The following RAPGEF6 variants were observed in gnomAD, a reference collection of about 807,000 sequenced individuals.
The protein encoded by RAPGEF6 is Rap guanine nucleotide exchange factor 6.
RAPGEF6 carries 56 observed loss-of-function variants against 171.4 expected under a neutral mutation model. The ratio of observed to expected loss-of-function variants is 0.33; its 90% CI spans 0.26 to 0.41. RAPGEF6 has a LOEUF of 0.41. Among genes scored for constraint, RAPGEF6 ranks in the 10% least tolerant of loss-of-function variants. The probability of loss-of-function intolerance (pLI) is 1.00; values close to 1 mark genes in which losing one functional copy is unlikely to be tolerated. For synonymous variants in RAPGEF6, 692 were observed against 650.1 expected (o/e 1.06, Z -0.98); for missense variants, 1,674 against 1,921.4 (o/e 0.87, Z 2.41).
At chr5:131,447,490 CA>C (rs1276214746) in intron 21 of RAPGEF6, 1 of 152,120 alleles carries the variant, frequency 6.6e-6, no homozygotes, top group Non-Finnish European at 1.5e-5. Context: ...CTCTTTTTGG[CA>C]AACATCCTAC....
chr5:131,495,313 C>CGATA (rs1554075562), intron 13 of RAPGEF6, among the ~76,000 whole-genome samples: 1 of 147,620 alleles, frequency 6.8e-6, no homozygotes, highest in Non-Finnish European at 1.5e-5. Context: ...CAAATAAATA[C>CGATA]AATAAATAAA....
chr5:131,517,628 A>G (rs1301917073), intron 7 of RAPGEF6, among the ~76,000 whole-genome samples: 1 of 148,540 alleles, frequency 6.7e-6, no homozygotes, highest in African/African-American at 2.5e-5. Context: ...ATACATTGGC[A>G]ATGTACACCT....
intron 4 of RAPGEF6, among the ~76,000 whole-genome samples, chr5:131,571,839 GTGACATTCCCGCCACCA>G (rs1485545042): frequency 1.1e-4 from 16 of 152,136 alleles, no homozygotes; most frequent in Non-Finnish European, 2.1e-4. Flanking sequence ...TCAAGCCATC[GTGACATTCCCGCCACCA>G]CCGCCCCCAG....
intron 14 of RAPGEF6, among the ~76,000 whole-genome samples, chr5:131,490,269 A>G (rs548019305): frequency 9.7e-4 from 148 of 152,328 alleles, no homozygotes; most frequent in African/African-American, 3.2e-3. Context: ...ATAAAAAGAT[A>G]TAATGAGCAA....
In RAPGEF6 at chr5:131,492,634, C is replaced by T. The variant is rs774851541; in HGVS notation, c.1679G>A (p.Gly560Glu). The T allele has an allele frequency of 1.9e-6, 3 of 1,614,150 alleles. No homozygotes were observed. Among genetic ancestry groups the T allele is most frequent in the Admixed American group, 1.7e-5 (1 of 60,024 alleles). The change falls in exon 14 of 28, where the codon GGA becomes GAA. Residue 560 changes from glycine to glutamate, a missense_variant. By Grantham distance (98) the Gly-to-Glu change is moderately conservative (BLOSUM62 -2). Around this residue, in one of 3 missense-constraint regions of RAPGEF6, gnomAD observed 1,116 missense variants for 1,321.5 expected, o/e 0.84. Transcript: ENST00000509018. ...SEKGFGIFVE[G>E]VEPGSKAADS... is the part of the protein sequence containing the mutation. ...AGCAGCTTTGCTACCAGGTTCTACT[C>T]CTTCAACAAAAATACCAAATCCCTT... is the stretch of plus-strand genomic sequence containing the variant.
At chr5:131,593,524 A>C (rs1763710429) in intron 3 of RAPGEF6, among the ~76,000 whole-genome samples, 1 of 152,232 alleles carries the variant, frequency 6.6e-6, no homozygotes, top group Non-Finnish European at 1.5e-5. Flanking sequence ...GACTCAGAAA[A>C]AGACAGAAAA....
chr5:131,513,080 T>C (rs1757847103), intron 7 of RAPGEF6, among the ~76,000 whole-genome samples: 1 of 152,258 alleles, frequency 6.6e-6, no homozygotes, highest in South Asian at 2.1e-4. Flanking sequence ...AGTTGTTTAC[T>C]GGCTATGAAA....
chr5:131,502,936 T>A (rs1192853783), intron 11 of RAPGEF6, among the ~76,000 whole-genome samples: 1 of 152,230 alleles, frequency 6.6e-6, no homozygotes, highest in East Asian at 1.9e-4. Flanking sequence ...GTAGCTGGGA[T>A]TGATTACAGG....
intron 5 of RAPGEF6, 113 bp downstream of exon 5, chr5:131,561,865 A>C: frequency 1.3e-6 from 1 of 779,546 alleles, no homozygotes; most frequent in Admixed American, 2.7e-5. Flanking sequence ...CTACTTGATG[A>C]AATCTCTAAA....
intron 23 of RAPGEF6, 82 bp from the exon 24 acceptor site, chr5:131,439,797 C>T: frequency 6.6e-7 from 1 of 1,526,270 alleles, no homozygotes; most frequent in Non-Finnish European, 8.8e-7. Flanking sequence ...ACATAACTAA[C>T]ACTATGATGC....
At chr5:131,466,808 C>G (rs947331876) in intron 17 of RAPGEF6, among the ~76,000 whole-genome samples, 3 of 152,200 alleles carry the variant, frequency 2.0e-5, no homozygotes, top group African/African-American at 4.8e-5. Flanking sequence ...ATATACCTCT[C>G]TACCCTGTGC....
At position 131,451,816 on chromosome 5, in the gene RAPGEF6, C is replaced by T. The variant is rs141189068; in HGVS notation, c.3200+1238G>A. 5.3e-3 allele frequency among the ~76,000 whole-genome samples: 813 copies of T among 152,162 alleles called. 8 individuals are homozygous for T. Among genetic ancestry groups the T allele is most frequent in the African/African-American group, 0.019 (793 of 41,506 alleles). On this transcript the variant is annotated intron_variant, in intron 21 of 27. Coordinates refer to ENST00000509018, the MANE Select transcript of RAPGEF6 (RefSeq NM_016340.6). ...TTTTAAGCCATAGAAATTGTGTCGG[C>T]CCCTGTACATGATTTCATTTTTAAT... is the stretch of plus-strand genomic sequence containing the variant.
intron 1 of RAPGEF6, among the ~76,000 whole-genome samples, chr5:131,607,339 T>C (rs886755026): frequency 1.3e-5 from 2 of 152,200 alleles, no homozygotes; most frequent in Non-Finnish European, 2.9e-5. Context: ...AAAAAATGAC[T>C]GTGCAGACTA....
In RAPGEF6 at chr5:131,528,799, G is replaced by T. The variant is rs115661461; in HGVS notation, c.496-7278C>A. On this transcript the variant is annotated intron_variant, in intron 6 of 27. Coordinates refer to ENST00000509018, the MANE Select transcript of RAPGEF6 (RefSeq NM_016340.6). Reference sequence around the variant, plus strand: ...TGTAGTAGGAGATAAGTGGAGGAGGGAGCATAAACTGTTTGGTAGGTCATG... The same window carrying T: ...TGTAGTAGGAGATAAGTGGAGGAGGTAGCATAAACTGTTTGGTAGGTCATG... 4.8e-3 allele frequency among the ~76,000 whole-genome samples: 725 copies of T among 152,074 alleles called. 3 individuals are homozygous for T. The highest frequency in any genetic ancestry group is 0.017 in the African/African-American group (693 of 41,388).
chr5:131,473,238 C>A (rs965890792), intron 16 of RAPGEF6, among the ~76,000 whole-genome samples: 1 of 151,846 alleles, frequency 6.6e-6, no homozygotes, highest in African/African-American at 2.4e-5. Flanking sequence ...GGTCAAGTGA[C>A]AAAGTAAGAG....
chr5:131,427,027 G>A lies in RAPGEF6; in HGVS notation c.*239C>T. 1 of 532,564 alleles carries A rather than the reference G, an allele frequency of 1.9e-6. No individual in the cohort carries two copies. The allele number at this position is 532,564 out of a possible 1,614,324, so 33.0% of individuals were successfully genotyped here. A position where few individuals can be genotyped will look rare whatever the true frequency, so the allele number is the denominator to read the frequency against. ...TGTGGTCCCAAGGCAGTTCCGGCGT[G>A]CAAAGTGGAGACTGGTATCCAGGCA... On this transcript the variant is annotated 3_prime_UTR_variant, in exon 28 of 28. Transcript: ENST00000509018.
At chr5:131,498,269 G>A (rs1756762398) in intron 12 of RAPGEF6, among the ~76,000 whole-genome samples, 174 bp downstream of exon 12, 1 of 152,138 alleles carries the variant, frequency 6.6e-6, no homozygotes, top group Non-Finnish European at 1.5e-5. Context: ...CTTTTAGCAT[G>A]CTATTCTGTC....
chr5:131,620,721 G>A (rs1323809325), intron 1 of RAPGEF6, among the ~76,000 whole-genome samples: 1 of 152,010 alleles, frequency 6.6e-6, no homozygotes, highest in Non-Finnish European at 1.5e-5. Flanking sequence ...CTCCCAAGCA[G>A]CTGGGACTAA....
At chr5:131,487,493 C>A (rs562374299) in intron 15 of RAPGEF6, among the ~76,000 whole-genome samples, 1 of 152,134 alleles carries the variant, frequency 6.6e-6, no homozygotes, top group Non-Finnish European at 1.5e-5. Flanking sequence ...CATTTACAAT[C>A]CTTTAGCTAG....
Sources: gnomAD v4.1 joint callset for allele counts (sites outside exome capture counted in the v4.1 genomes callset) on GRCh38, gnomAD v4.1.1 for gene constraint, gnomAD v4.1.1 regional missense constraint, MANE v1.5 for transcripts, NCBI Gene and HGNC (gene_info 2026-07-23, HGNC 2026-07-21) for gene names.